The following HDAC4 variants were observed in gnomAD, a reference collection of about 807,000 sequenced individuals.
HDAC4 encodes the protein histone deacetylase A.
In HDAC4, 16 loss-of-function variants were observed where a neutral mutation model predicts 135.1. The observed-to-expected ratio is 0.12, with a 90% CI of 0.08 to 0.18. HDAC4 has a LOEUF of 0.18. Ranked by LOEUF, HDAC4 falls within the 10% of genes least tolerant of loss-of-function variation. The pLI is 1.00. For synonymous variants in HDAC4, 685 were observed against 653.4 expected (o/e 1.05, Z -0.74); for missense variants, 1,143 against 1,511.8 (o/e 0.76, Z 4.05).
chr2:239,373,609 G>A (rs908967616), intron 1 of HDAC4, among the ~76,000 whole-genome samples: 31 of 152,126 alleles, frequency 2.0e-4, no homozygotes, highest in Admixed American at 1.6e-3. Flanking sequence ...GATTACAGGC[G>A]TGCACCACCA....
intron 2 of HDAC4, among the ~76,000 whole-genome samples, chr2:239,250,809 C>A (rs1354216199): frequency 1.3e-5 from 2 of 152,188 alleles, no homozygotes; most frequent in African/African-American, 4.8e-5. Flanking sequence ...AGCGAAGGGG[C>A]ACGACAGTGG....
intron 2 of HDAC4, among the ~76,000 whole-genome samples, chr2:239,338,876 C>A (rs562666653): frequency 6.6e-5 from 10 of 152,314 alleles, no homozygotes; most frequent in Admixed American, 2.6e-4. Context: ...CAGGCTCCCC[C>A]CAAGGCTGAG....
chr2:239,106,177 G>C (rs961366074), intron 15 of HDAC4, among the ~76,000 whole-genome samples: 3 of 152,106 alleles, frequency 2.0e-5, no homozygotes, highest in African/African-American at 7.2e-5. Flanking sequence ...CAGAGGAGCC[G>C]AGGGCGGGCG....
intron 3 of HDAC4, among the ~76,000 whole-genome samples, chr2:239,196,235 C>T (rs11693556): frequency 0.25 from 37,993 of 151,946 alleles, 4,792 homozygotes; most frequent in Middle Eastern, 0.27. Flanking sequence ...ATGTCCTTCA[C>T]CCTTTATTTA....
At chr2:239,277,987 C>G (rs2050477242) in intron 2 of HDAC4, among the ~76,000 whole-genome samples, 1 of 151,424 alleles carries the variant, frequency 6.6e-6, no homozygotes, top group African/African-American at 2.4e-5. Context: ...GCCAGCCACA[C>G]ACCCCAGCCA....
Position 239,081,106 on chromosome 2 carries a change from C to A in HDAC4, c.2739G>T (p.Leu913Phe). The change falls in exon 22 of 27, where the codon TTG becomes TTT. Residue 913 changes from leucine (L) to phenylalanine (F), a missense_variant. Around this residue, in one of 9 missense-constraint regions of HDAC4, gnomAD observed 189 missense variants for 317.6 expected, o/e 0.60. Coordinates refer to ENST00000543185, the MANE Select transcript of HDAC4 (RefSeq NM_001378414.1). ...GCCGGGAGGCTCACCTGAAGGCCGC[C>A]AAGTACTCAGCGTCTCCCATGGGGG... ...LDPPMGDAEY[L>F]AAFRTVVMPI... 6.2e-7 allele frequency: 1 copy of A among 1,613,696 alleles called. No individual in the cohort carries two copies. The highest frequency in any genetic ancestry group is 8.5e-7 in the Non-Finnish European group (1 of 1,179,842).
chr2:239,257,352 T>TAA (rs146207339), intron 2 of HDAC4, among the ~76,000 whole-genome samples: 180 of 150,968 alleles, frequency 1.2e-3, no homozygotes, highest in African/African-American at 4.2e-3. Context: ...ACTACTAAGT[T>TAA]AAAAAAAAAC....
rs1292757010 is a variant in HDAC4 at position 239,280,955 on chromosome 2, T to TACACACCACTCTACAATGA, written c.23-44310_23-44292dup. Among the ~76,000 whole-genome samples the TACACACCACTCTACAATGA allele has an allele frequency of 1.8e-5, 2 of 114,036 alleles. 1 individual carries two copies. Among genetic ancestry groups the TACACACCACTCTACAATGA allele is most frequent in the Non-Finnish European group, 3.5e-5 (2 of 56,852 alleles). 74.8% of individuals were successfully genotyped at this position (114,036 alleles called of 152,430 possible). A position where few individuals can be genotyped will look rare whatever the true frequency, so the allele number is the denominator to read the frequency against. On this transcript the variant is annotated intron_variant, in intron 2 of 26. Transcript: ENST00000543185. ...ACAATGTACACACCACTCTACAATG[T>TACACACCACTCTACAATGA]ACACACCACTCTACAATGAACACAC...
chr2:239,217,236 CA>C (rs1332979552), intron 3 of HDAC4, among the ~76,000 whole-genome samples: 1 of 151,944 alleles, frequency 6.6e-6, no homozygotes, highest in Non-Finnish European at 1.5e-5. Flanking sequence ...GGAAGCTCTC[CA>C]AAAGCAAGAG....
chr2:239,238,657 A>G (rs956589491), intron 2 of HDAC4, among the ~76,000 whole-genome samples: 1 of 152,236 alleles, frequency 6.6e-6, no homozygotes, highest in Non-Finnish European at 1.5e-5. Flanking sequence ...TGAGTTTGGA[A>G]GTGAACTGCT....
intron 2 of HDAC4, among the ~76,000 whole-genome samples, chr2:239,292,171 C>G (rs2051557539): frequency 6.6e-6 from 1 of 152,196 alleles, no homozygotes; most frequent in South Asian, 2.1e-4. Flanking sequence ...GGTGGGGCCC[C>G]AAGTGTTCCG....
chr2:239,126,315 A>C, intron 12 of HDAC4, 141 bp downstream of exon 12: 1 of 1,399,592 alleles, frequency 7.1e-7, no homozygotes, highest in Non-Finnish European at 9.8e-7. Context: ...GCTGTGGGCC[A>C]GAGCATGTGC....
rs1209661135 is a variant in HDAC4, at chr2:239,240,709, G to A, written c.23-4045C>T. Among the ~76,000 whole-genome samples, 4 of 152,310 alleles carry A rather than the reference G, an allele frequency of 2.6e-5. 1 individual carries two copies. Among genetic ancestry groups the A allele is most frequent in the South Asian group, 4.1e-4 (2 of 4,822 alleles). ...CACTGAGAGGGAGGCCGAGGAGCAC[G>A]GGTACCTCGTGTCCTCACCAGCACA... On this transcript the variant is annotated intron_variant, in intron 2 of 26. Transcript: ENST00000543185. This position sits in a 1 kb window ranked among gnomAD's most constrained non-coding sequence, Gnocchi z 4.5.
intron 7 of HDAC4, among the ~76,000 whole-genome samples, chr2:239,156,234 C>T (rs1191372593): frequency 1.3e-5 from 2 of 152,194 alleles, no homozygotes; most frequent in Non-Finnish European, 2.9e-5. Context: ...ACCTGGAAGG[C>T]CCTGCTGCTG....
chr2:239,082,276 T>A, intron 20 of HDAC4, 55 bp from the exon 21 acceptor site: 2 of 1,612,056 alleles, frequency 1.2e-6, no homozygotes, highest in Non-Finnish European at 8.5e-7. Context: ...GAGGGTGGCC[T>A]CCCCTGAGGG....
chr2:239,172,119 C>A (rs2043485011), intron 5 of HDAC4, among the ~76,000 whole-genome samples: 1 of 151,784 alleles, frequency 6.6e-6, no homozygotes, highest in Non-Finnish European at 1.5e-5. Context: ...GAGTTAAATA[C>A]AGGTCAAAAT....
intron 6 of HDAC4, among the ~76,000 whole-genome samples, chr2:239,157,960 C>CT (rs1204958334): frequency 2.0e-5 from 3 of 152,158 alleles, no homozygotes; most frequent in Non-Finnish European, 4.4e-5. Flanking sequence ...CAGGCCACGC[C>CT]CCAACCCCGC....
At position 239,084,220 on chromosome 2, in the gene HDAC4, C is replaced by A. The variant is rs777919069; in HGVS notation, c.2467G>T (p.Val823Leu). 6.2e-7 allele frequency: 1 copy of A among 1,612,976 alleles called. No homozygotes were observed. Among genetic ancestry groups the A allele is most frequent in the Non-Finnish European group, 8.5e-7 (1 of 1,179,350 alleles). Residue 823 changes from valine to leucine, a missense_variant, in exon 20 of 27, where the codon GTG becomes TTG. Physicochemically the swap from Val to Leu is conservative, Grantham distance 32. This residue lies in a region of HDAC4 where 189 missense variants were observed against 317.6 expected (regional missense o/e 0.60). Transcript: ENST00000543185. Reference sequence around the variant, plus strand: ...TGCAGAAGCTTGGCTGCCACGGCCACGGAGTTGAAGTAGCAAAAGCCCCTG... The same window carrying A: ...TGCAGAAGCTTGGCTGCCACGGCCAAGGAGTTGAAGTAGCAAAAGCCCCTG... ...TPMGFCYFNS[V>L]AVAAKLLQQR...
At chr2:239,242,060 G>C (rs2153191954) in intron 2 of HDAC4, among the ~76,000 whole-genome samples, 1 of 131,702 alleles carries the variant, frequency 7.6e-6, no homozygotes, top group Non-Finnish European at 1.6e-5. Context: ...GAAAAGAAAA[G>C]AGAAAAAGAA....
Sources: allele counts gnomAD v4.1 joint callset (sites outside exome capture counted in the v4.1 genomes callset), GRCh38; gene constraint gnomAD v4.1.1; regional missense constraint gnomAD v4.1.1; non-coding constraint Gnocchi (gnomAD v3.1); transcripts MANE v1.5; gene names NCBI Gene and HGNC (gene_info 2026-07-23, HGNC 2026-07-21).